Variants in CACNA1S observed in about 807,000 individuals in gnomAD.
CACNA1S encodes the protein voltage-dependent L-type calcium channel subunit alpha-1S.
A neutral mutation model predicts 207.4 loss-of-function variants in CACNA1S; 126 were observed. That is an observed-to-expected ratio of 0.61 (90% CI 0.53 to 0.70). The LOEUF (loss-of-function observed/expected upper bound fraction) is 0.70, where lower values mean the gene tolerates loss of function less well. CACNA1S is among the 30% of genes least tolerant of loss of function. The probability of loss-of-function intolerance (pLI) is 0.00; values close to 1 mark genes in which losing one functional copy is unlikely to be tolerated. For synonymous variants in CACNA1S, 960 were observed against 932.7 expected (o/e 1.03, Z -0.53); for missense variants, 2,349 against 2,422.8 (o/e 0.97, Z 0.64).
At chr1:201,105,501 T>C (rs779638445) in intron 2 of CACNA1S, among the ~76,000 whole-genome samples, 1 of 152,204 alleles carries the variant, frequency 6.6e-6, no homozygotes, top group African/African-American at 2.4e-5. Context: ...CAAAAGCAGA[T>C]TCTAGCTCCA....
intron 2 of CACNA1S, among the ~76,000 whole-genome samples, chr1:201,103,743 C>T (rs1662766033): frequency 6.6e-6 from 1 of 152,200 alleles, no homozygotes; most frequent in South Asian, 2.1e-4. Flanking sequence ...AGGCCCCAGC[C>T]TCCCCAGATG....
In CACNA1S at chr1:201,085,184, CTG is replaced by C. The variant is rs1661993540; in HGVS notation, c.1151-155_1151-154del. On this transcript the variant is annotated intron_variant, in intron 8 of 43. Coordinates refer to ENST00000362061, the MANE Select transcript of CACNA1S (RefSeq NM_000069.3). ...TGGATTGCTTCGTGCTTTCCAGAGA[CTG>C]AGAGTTCCAAGAGCTAAAGAGCCCA... Among the ~76,000 whole-genome samples, 3 of 152,138 alleles carry C rather than the reference CTG, an allele frequency of 2.0e-5. No individual in the cohort carries two copies. The South Asian group carries it at 6.2e-4, about 32-fold the overall frequency.
intron 34 of CACNA1S, 103 bp downstream of exon 34, chr1:201,050,286 A>G: frequency 4.8e-6 from 6 of 1,240,610 alleles, no homozygotes; most frequent in Non-Finnish European, 7.1e-6. Flanking sequence ...AGGGGGAAGG[A>G]GAAGCCCACT....
At chr1:201,050,285 G>A in intron 34 of CACNA1S, 104 bp downstream of exon 34, 4 of 1,233,882 alleles carry the variant, frequency 3.2e-6, no homozygotes, top group Non-Finnish European at 4.8e-6. Context: ...AAGGGGGAAG[G>A]AGAAGCCCAC....
chr1:201,084,809 C>A, intron 9 of CACNA1S, 141 bp downstream of exon 9: 1 of 671,762 alleles, frequency 1.5e-6, no homozygotes, highest in South Asian at 1.7e-5. Flanking sequence ...CAGGAACTGG[C>A]CCTATTTTCT....
intron 3 of CACNA1S, among the ~76,000 whole-genome samples, chr1:201,093,268 G>T (rs1662304601): frequency 6.6e-6 from 1 of 152,140 alleles, no homozygotes. Context: ...AATTTGACTG[G>T]TGTCCTTATA....
At chr1:201,049,769 G>C (rs183210293) in intron 34 of CACNA1S, among the ~76,000 whole-genome samples, 33 of 152,266 alleles carry the variant, frequency 2.2e-4, no homozygotes, top group African/African-American at 6.7e-4. Flanking sequence ...CCTGCTGATG[G>C]AGGCACTTTA....
intron 26 of CACNA1S, among the ~76,000 whole-genome samples, 194 bp from the exon 27 acceptor site, chr1:201,059,493 C>A (rs1660968545): frequency 6.6e-6 from 1 of 152,166 alleles, no homozygotes; most frequent in Non-Finnish European, 1.5e-5. Flanking sequence ...TTATGAACAC[C>A]CTCCCCCTAC....
intron 22 of CACNA1S, among the ~76,000 whole-genome samples, chr1:201,064,512 A>T (rs1661177033): frequency 6.6e-6 from 1 of 152,232 alleles, no homozygotes; most frequent in African/African-American, 2.4e-5. Context: ...TGGCTCAAGT[A>T]TGGAAAACAT....
At chr1:201,050,880 A>T (rs1660624048) in intron 33 of CACNA1S, 104 bp downstream of exon 33, 1 of 1,211,250 alleles carries the variant, frequency 8.3e-7, no homozygotes, top group Non-Finnish European at 1.2e-6. Flanking sequence ...CCCCGAGATG[A>T]ATCCCAGGAG....
intron 6 of CACNA1S, 105 bp downstream of exon 6, chr1:201,089,153 G>T: frequency 2.8e-6 from 3 of 1,053,638 alleles, no homozygotes; most frequent in Non-Finnish European, 4.4e-6. Context: ...GGTCACGCAA[G>T]TCAGAGACTG....
At chr1:201,093,457 G>A (rs1164640126) in intron 3 of CACNA1S, among the ~76,000 whole-genome samples, 1 of 152,198 alleles carries the variant, frequency 6.6e-6, no homozygotes, top group Non-Finnish European at 1.5e-5. Flanking sequence ...GGCAGCCCTA[G>A]CAAACTAATA....
At chr1:201,102,972 T>C (rs1662735356) in intron 2 of CACNA1S, among the ~76,000 whole-genome samples, 1 of 152,142 alleles carries the variant, frequency 6.6e-6, no homozygotes, top group South Asian at 2.1e-4. Flanking sequence ...ATTGAGCAAC[T>C]CTTGTGTGCC....
At chr1:201,057,009 C>T (rs900737612) in intron 28 of CACNA1S, among the ~76,000 whole-genome samples, 6 of 152,348 alleles carry the variant, frequency 3.9e-5, no homozygotes, top group South Asian at 2.1e-4. Context: ...TGACTGCTCT[C>T]GCTGGGTCAG....
At position 201,040,355 on chromosome 1, in the gene CACNA1S, G is replaced by A; in HGVS notation, c.5246C>T (p.Ser1749Phe). 1 of 1,613,570 alleles carries A rather than the reference G, an allele frequency of 6.2e-7. No individual in the cohort carries two copies. Among genetic ancestry groups the A allele is most frequent in the Non-Finnish European group, 8.5e-7 (1 of 1,179,944 alleles). ...GGAGCTCTTTCTGTCCTCAGGCATG[G>A]AGGACTCCACCCTGGGGCACTGTTC... is the stretch of plus-strand genomic sequence containing the variant. ...APCQCPRVES[S>F]MPEDRKSSTP... The change falls in exon 43 of 44, where the codon TCC (serine) becomes TTC (phenylalanine). Residue 1749 changes from serine to phenylalanine, a missense_variant. Physicochemically the swap from Ser to Phe is radical, Grantham distance 155. Coordinates refer to ENST00000362061, the MANE Select transcript of CACNA1S (RefSeq NM_000069.3).
intron 2 of CACNA1S, among the ~76,000 whole-genome samples, chr1:201,108,296 T>A (rs1164942826): frequency 6.6e-6 from 1 of 151,978 alleles, no homozygotes; most frequent in African/African-American, 2.4e-5. Context: ...GAGACGGGAG[T>A]CTCTCTATGT....
chr1:201,104,277 G>A (rs1179022661), intron 2 of CACNA1S, among the ~76,000 whole-genome samples: 2 of 152,132 alleles, frequency 1.3e-5, no homozygotes, highest in African/African-American at 4.8e-5. Context: ...GATGCTAGTA[G>A]GACACATCTC....
chr1:201,083,332 G>T lies in CACNA1S; in HGVS notation c.1233-10C>A, dbSNP rs1255827507. On this transcript the variant is annotated splice_polypyrimidine_tract_variant and intron_variant, in intron 9 of 43. Transcript: ENST00000362061. ...CTGCCTCCAATGTCGGCTGAGGGAG[G>T]GGACAGAGGATGGTCTACAGTGCTG... 6.2e-7 allele frequency: 1 copy of T among 1,614,004 alleles called. No individual in the cohort carries two copies. Among genetic ancestry groups the T allele is most frequent in the Admixed American group, 1.7e-5 (1 of 60,032 alleles).
rs537520881 is a variant in CACNA1S, at chr1:201,063,382, C to T, written c.2854-868G>A. On this transcript the variant is annotated intron_variant, in intron 22 of 43. Transcript: ENST00000362061. ...TCGGCTCACTGCAATCTCCGCCTCC[C>T]CGGTTCAAGCAACTCTCTGGCCTCA... Among the ~76,000 whole-genome samples, 245 of 147,062 alleles carry T rather than the reference C, an allele frequency of 1.7e-3. 1 individual carries two copies. The highest frequency in any genetic ancestry group is 7.0e-3 in the Middle Eastern group (2 of 286).
Sources: gnomAD v4.1 joint callset for allele counts (sites outside exome capture counted in the v4.1 genomes callset) on GRCh38, gnomAD v4.1.1 for gene constraint, MANE v1.5 for transcripts, NCBI Gene and HGNC (gene_info 2026-07-23, HGNC 2026-07-21) for gene names.